Variants in DENND2B observed in about 807,000 individuals in gnomAD.
The protein encoded by DENND2B is DENN domain containing 2B, also known as DENN domain-containing protein 2B.
In DENND2B, 32 loss-of-function variants were observed where a neutral mutation model predicts 116.0. That is an observed-to-expected ratio of 0.28 (90% confidence interval 0.21 to 0.37). DENND2B has a LOEUF of 0.37. DENND2B is among the 10% of genes least tolerant of loss of function. The pLI, the probability that DENND2B is intolerant of heterozygous loss-of-function variation, is 1.00. For synonymous variants in DENND2B, 588 were observed against 583.9 expected, an observed-to-expected ratio of 1.01 and a Z score of -0.10; for missense variants, 1,276 against 1,477.7, an observed-to-expected ratio of 0.86 and a Z score of 2.24.
At chr11:8,819,491 C>T (rs2061687341) in intron 4 of DENND2B, among the ~76,000 whole-genome samples, 1 of 152,150 alleles carries the variant, frequency 6.6e-6, no homozygotes, top group African/African-American at 2.4e-5. Flanking sequence ...TAGAAATAAC[C>T]TCACGGTGGA....
chr11:8,859,283 C>G (rs2134671547), intron 2 of DENND2B, among the ~76,000 whole-genome samples: 1 of 149,558 alleles, frequency 6.7e-6, no homozygotes, highest in Admixed American at 6.7e-5. Flanking sequence ...TAGATAAACA[C>G]TAACGTGTTT....
intron 1 of DENND2B, among the ~76,000 whole-genome samples, chr11:8,888,184 C>T (rs754327148): frequency 6.6e-6 from 1 of 152,184 alleles, no homozygotes. Context: ...TGGTCAATTT[C>T]GGCTCTTAGT....
rs2042918424 is a variant in DENND2B at position 8,708,007 on chromosome 11, G to A, written c.2353-153C>T. 4 of 1,528,320 alleles carry A rather than the reference G, an allele frequency of 2.6e-6. No homozygotes were observed. In the South Asian group the frequency reaches 4.8e-5, roughly 18 times the overall value. 94.7% of individuals were successfully genotyped at this position (1,528,320 alleles called of 1,614,324 possible). On this transcript the variant is annotated intron_variant, in intron 11 of 19. Transcript: ENST00000313726. ...TCCTCTAAACCTCTCTGCAACCAGAGCCCTGAAGGAACAGCCACCACTCTC... is the reference window on the plus strand; with the variant it reads ...TCCTCTAAACCTCTCTGCAACCAGAACCCTGAAGGAACAGCCACCACTCTC...
intron 1 of DENND2B, among the ~76,000 whole-genome samples, chr11:8,801,769 C>T (rs553340859): frequency 5.4e-4 from 82 of 150,922 alleles, no homozygotes; most frequent in African/African-American, 1.8e-3. Flanking sequence ...CTTGGAAAGC[C>T]GAGGTGGGCG....
At chr11:8,751,879 T>C (rs1271930562) in intron 1 of DENND2B, among the ~76,000 whole-genome samples, 1 of 152,208 alleles carries the variant, frequency 6.6e-6, no homozygotes, top group Non-Finnish European at 1.5e-5. Flanking sequence ...TTATTCAATA[T>C]TTTTCTTGAA....
intron 4 of DENND2B, among the ~76,000 whole-genome samples, chr11:8,837,987 T>A (rs2134605547): frequency 6.6e-6 from 1 of 152,318 alleles, no homozygotes; most frequent in South Asian, 2.1e-4. Context: ...ATCCCAAGGG[T>A]GACAGCAAAC....
In DENND2B at chr11:8,712,449, G is replaced by A. The variant is rs568599468; in HGVS notation, c.2172+102C>T. On this transcript the variant is annotated intron_variant, in intron 9 of 19. Coordinates refer to ENST00000313726, the MANE Select transcript of DENND2B (RefSeq NM_213618.2). The surrounding 1 kb of genome is among the most constrained non-coding windows in gnomAD (Gnocchi z 4.4). ...TTCAGGGCTGTGGCAGCTCGGTGAGGACGTATGACGAACAAGATCTCTCTC... is the reference window on the plus strand; with the variant it reads ...TTCAGGGCTGTGGCAGCTCGGTGAGAACGTATGACGAACAAGATCTCTCTC... 65 of 1,307,614 alleles carry A rather than the reference G, an allele frequency of 5.0e-5. No homozygotes were observed. The Admixed American group carries it at 9.6e-4, about 19-fold the overall frequency. 81.0% of individuals were successfully genotyped at this position (1,307,614 alleles called of 1,614,324 possible).
Position 8,696,542 on chromosome 11 carries a change from G to A in DENND2B, c.3177C>T (p.Ala1059=), listed in dbSNP as rs1260080725. Residue 1059 remains alanine, a synonymous_variant, in exon 18 of 20, where the codon GCC becomes GCT. Transcript: ENST00000313726. ...TTTTGGAGGCCACAGATTTGCGGAA[G>A]GCCTCTCGCTGAAAGGCCCTCTCTC... is the stretch of plus-strand genomic sequence containing the variant. The part of the protein sequence containing the change: ...EKGERAFQRE[A]FRKSVASKSI... 1 of 1,614,076 alleles carries A rather than the reference G, an allele frequency of 6.2e-7. No individual in the cohort carries two copies. The highest frequency in any genetic ancestry group is 1.3e-5 in the African/African-American group (1 of 74,916).
In DENND2B at chr11:8,760,246, T is replaced by TCC. The variant is rs993278143; in HGVS notation, c.-25-9523_-25-9522dup. On this transcript the variant is annotated intron_variant, in intron 1 of 19. Transcript: ENST00000313726. ...GCCTCCATTCTCTCCCTGCCATACC[T>TCC]CCCTTCCCCTGACCTGCCCACACAA... 3.3e-5 allele frequency among the ~76,000 whole-genome samples: 5 copies of TCC among 152,132 alleles called. No homozygotes were observed. The South Asian group carries it at 8.3e-4, about 25-fold the overall frequency.
At chr11:8,807,002 G>A (rs148768073) in intron 1 of DENND2B, among the ~76,000 whole-genome samples, 1 of 149,676 alleles carries the variant, frequency 6.7e-6, no homozygotes, top group African/African-American at 2.5e-5. Context: ...TCAATTATCT[G>A]CCTGCAGATT....
chr11:8,754,029 G>GCGCGCGCACACACACGCGCACACACA (rs146486674), intron 1 of DENND2B, among the ~76,000 whole-genome samples: 1 of 138,734 alleles, frequency 7.2e-6, no homozygotes, highest in African/African-American at 2.7e-5. Flanking sequence ...CCAAAAGCGC[G>GCGCGCGCACACACACGCGCACACACA]CACACACACA....
intron 2 of DENND2B, among the ~76,000 whole-genome samples, chr11:8,880,008 T>C (rs531820043): frequency 4.1e-4 from 63 of 152,304 alleles, no homozygotes; most frequent in Non-Finnish European, 7.9e-4. Flanking sequence ...TAGGTACCAA[T>C]AGAATGGTGG....
upstream of DENND2B, chr11:8,810,682 C>T (rs928824705): frequency 6.6e-6 from 1 of 152,316 alleles, no homozygotes; most frequent in African/African-American, 2.4e-5. Flanking sequence ...GTGAGCAGAG[C>T]ACTGCTAGCC....
chr11:8,712,787 C>T lies in DENND2B; in HGVS notation c.1988-52G>A. 6.5e-7 allele frequency: 1 copy of T among 1,546,802 alleles called. No individual in the cohort carries two copies. Among genetic ancestry groups the T allele is most frequent in the Non-Finnish European group, 8.7e-7 (1 of 1,146,918 alleles). ...TGGACCCTCACAGGCCTCATGTTAA[C>T]TCCTCTACCCCTGGCTCAGGGCTCC... is the stretch of plus-strand genomic sequence containing the variant. On this transcript the variant is annotated intron_variant, in intron 8 of 19. Transcript: ENST00000313726. This position sits in a 1 kb window ranked among gnomAD's most constrained non-coding sequence, Gnocchi z 4.4.
intron 1 of DENND2B, chr11:8,766,502 G>C (rs2055817534): frequency 1.3e-6 from 1 of 757,828 alleles, no homozygotes; most frequent in Non-Finnish European, 1.9e-6. Flanking sequence ...GCTCAGACTT[G>C]GGCAATGTCC....
At chr11:8,904,750 ACT>A (rs1670582385) in intron 1 of DENND2B, among the ~76,000 whole-genome samples, 1 of 152,220 alleles carries the variant, frequency 6.6e-6, no homozygotes, top group African/African-American at 2.4e-5. Context: ...GAAAAAGTCA[ACT>A]ATATTTCTAT....
intron 1 of DENND2B, among the ~76,000 whole-genome samples, chr11:8,780,432 G>T (rs2058261759): frequency 6.6e-6 from 1 of 152,218 alleles, no homozygotes; most frequent in Non-Finnish European, 1.5e-5. Context: ...TACAGAGAGG[G>T]TGACCCTTGT....
intron 2 of DENND2B, among the ~76,000 whole-genome samples, chr11:8,864,549 T>C (rs1213219660): frequency 6.6e-6 from 1 of 152,160 alleles, no homozygotes; most frequent in East Asian, 1.9e-4. Flanking sequence ...GGATTACAGG[T>C]GTTAGCCACC....
At chr11:8,776,089 G>A in intron 1 of DENND2B, 1 of 408,772 alleles carries the variant, frequency 2.4e-6, no homozygotes, top group South Asian at 1.8e-5. Context: ...ACCCTCCCCA[G>A]ACCTGCCCAC....
Sources: allele counts gnomAD v4.1 joint callset (sites outside exome capture counted in the v4.1 genomes callset), GRCh38; gene constraint gnomAD v4.1.1; non-coding constraint Gnocchi (gnomAD v3.1); transcripts MANE v1.5; gene names NCBI Gene and HGNC (gene_info 2026-07-23, HGNC 2026-07-21).